The following IGFN1 variants were observed in gnomAD, a reference collection of about 807,000 sequenced individuals.
The protein encoded by IGFN1 is immunoglobulin-like and fibronectin type III domain-containing protein 1.
Under a neutral mutation model 289.5 loss-of-function variants are expected in IGFN1, and 253 were observed. That is an observed-to-expected ratio of 0.87 (90% CI 0.79 to 0.97). The LOEUF (loss-of-function observed/expected upper bound fraction) is 0.97. IGFN1 is among the 50% of genes least tolerant of loss of function. The probability of loss-of-function intolerance (pLI) is 0.00; values close to 1 mark genes in which losing one functional copy is unlikely to be tolerated. For missense variants in IGFN1, 4,470 were observed against 4,686.1 expected (o/e 0.95, Z 1.35); for synonymous variants, 1,706 against 1,788.5 (o/e 0.95, Z 1.16).
Position 201,201,766 on chromosome 1 carries a change from T to A in IGFN1, c.681T>A (p.Asp227Glu), listed in dbSNP as rs1667171898. ...SSLRHIRVTK[D>E]GNAKFDLELD... is the part of the protein sequence containing the mutation. ...TAAGACACATCAGGGTCACCAAGGA[T>A]GGGAATGCAAAGTTTGACTTGGAGC... Residue 227 changes from aspartate to glutamate, a missense_variant, in exon 9 of 24, where the codon GAT becomes GAA. Asp to Glu is a conservative substitution (Grantham distance 45). This residue lies in a region of IGFN1 where 2,011 missense variants were observed against 1,953.4 expected (regional missense o/e 1.03). Transcript: ENST00000335211. 18 of 1,549,544 alleles carry A rather than the reference T, an allele frequency of 1.2e-5. No individual in the cohort carries two copies. Among genetic ancestry groups the A allele is most frequent in the Non-Finnish European group, 1.6e-5 (18 of 1,145,310 alleles).
At chr1:201,217,078 C>T (rs973072287) in intron 16 of IGFN1, among the ~76,000 whole-genome samples, 28 of 152,080 alleles carry the variant, frequency 1.8e-4, no homozygotes, top group African/African-American at 6.5e-4. Context: ...TTCTAGGCTC[C>T]GAGGCTGCAG....
Position 201,212,813 on chromosome 1 carries a change from T to G in IGFN1, c.7920T>G (p.Asp2640Glu). The G allele has an allele frequency of 6.4e-7, 1 of 1,551,408 alleles. No homozygotes were observed. Among genetic ancestry groups the G allele is most frequent in the South Asian group, 1.2e-5 (1 of 84,056 alleles). Reference sequence around the variant, plus strand: ...AGGGGTTTAGCCAAGGCAGCATAGATGCTGGGAAGCAGCCCGCAGGCTCCA... The same window carrying G: ...AGGGGTTTAGCCAAGGCAGCATAGAGGCTGGGAAGCAGCCCGCAGGCTCCA... ...ENQGFSQGSI[D>E]AGKQPAGSRA... The change falls in exon 12 of 24, where the codon GAT (aspartate) becomes GAG (glutamate). Residue 2640 changes from aspartate to glutamate, a missense_variant. Transcript: ENST00000335211.
chr1:201,205,354 G>A lies in IGFN1; in HGVS notation c.1189G>A (p.Ala397Thr). The A allele has an allele frequency of 1.3e-6, 2 of 1,529,508 alleles. No individual in the cohort carries two copies. The highest frequency in any genetic ancestry group is 1.8e-6 in the Non-Finnish European group (2 of 1,132,930). The allele number at this position is 1,529,508 out of a possible 1,614,324, so 94.7% of individuals were successfully genotyped here. ...TTCCAGCGCCTGGCTGGTGGTTGAA[G>A]GTGAGTGCTTCAAAACTCTGTCTTT... ...YTSSAWLVVEAGKDKDLQSTS... is the reference protein window; with the variant it reads ...YTSSAWLVVETGKDKDLQSTS... Residue 397 changes from alanine to threonine, a missense_variant and splice_region_variant, in exon 11 of 24, where the codon GCT becomes ACT. Physicochemically the swap from Ala to Thr is moderately conservative, Grantham distance 58. This residue lies in a region of IGFN1 where 2,011 missense variants were observed against 1,953.4 expected (regional missense o/e 1.03). Coordinates refer to ENST00000335211, the MANE Select transcript of IGFN1 (RefSeq NM_001164586.2).
At position 201,212,988 on chromosome 1, in the gene IGFN1, C is replaced by T. The variant is rs918943804; in HGVS notation, c.8095C>T (p.Pro2699Ser). 79 of 1,551,408 alleles carry T rather than the reference C, an allele frequency of 5.1e-5. No individual in the cohort carries two copies. The highest frequency in any genetic ancestry group is 3.3e-4 in the Middle Eastern group (2 of 6,016). Residue 2699 changes from proline to serine, a missense_variant, in exon 12 of 24, where the codon CCT becomes TCT. Coordinates refer to ENST00000335211, the MANE Select transcript of IGFN1 (RefSeq NM_001164586.2). ...PWSLDSKGSS[P>S]GRGSSVDAED... ...GTCCCTGGATAGCAAAGGTTCAAGTCCTGGAAGGGGCAGTTCTGTTGATGC... is the reference window on the plus strand; with the variant it reads ...GTCCCTGGATAGCAAAGGTTCAAGTTCTGGAAGGGGCAGTTCTGTTGATGC...
intron 8 of IGFN1, among the ~76,000 whole-genome samples, chr1:201,201,152 T>A (rs1301176077): frequency 6.6e-6 from 1 of 152,182 alleles, no homozygotes; most frequent in African/African-American, 2.4e-5. Context: ...TTCTAAAGGC[T>A]TTCATGGAAG....
rs1008675472 is a variant in IGFN1 at position 201,205,183 on chromosome 1, G to A, written c.1018G>A (p.Ala340Thr). ...CCTCTCCAGCCCCTGCCCTAGTGCA[G>A]CCTGGCATTTCCGGCACCGGCTACT... Reference protein sequence around the residue: ...CTLSSPCPSAAWHFRHRLLHP... With the variant: ...CTLSSPCPSATWHFRHRLLHP... The change falls in exon 11 of 24, where the codon GCC becomes ACC. Residue 340 changes from alanine to threonine, a missense_variant. Transcript: ENST00000335211. The A allele has an allele frequency of 1.9e-6, 3 of 1,551,324 alleles. No homozygotes were observed. The Admixed American group carries it at 5.9e-5, about 30-fold the overall frequency.
intron 10 of IGFN1, 137 bp from the exon 11 acceptor site, chr1:201,204,945 T>G: frequency 1.3e-6 from 1 of 771,714 alleles, no homozygotes; most frequent in Non-Finnish European, 2.0e-6. Context: ...GGTCCAGAGG[T>G]GACCTGTCCA....
chr1:201,201,477 C>T (rs2102325721), intron 8 of IGFN1, among the ~76,000 whole-genome samples: 1 of 152,220 alleles, frequency 6.6e-6, no homozygotes, highest in African/African-American at 2.4e-5. Flanking sequence ...ATGGAAAAGC[C>T]CCACTGTGTT....
At chr1:201,227,413 A>C (rs1415598511) in intron 23 of IGFN1, among the ~76,000 whole-genome samples, 1 of 144,622 alleles carries the variant, frequency 6.9e-6, no homozygotes, top group Non-Finnish European at 1.5e-5. Context: ...CTTTTTAAAA[A>C]ATTTATTTTT....
chr1:201,193,222 A>G, intron 1 of IGFN1, 25 bp from the exon 2 acceptor site: 3 of 1,195,420 alleles, frequency 2.5e-6, no homozygotes, highest in Non-Finnish European at 3.7e-6. Context: ...GGATTTCTCA[A>G]AAGCAATTCC....
Position 201,208,423 on chromosome 1 carries a change from G to A in IGFN1, c.3530G>A (p.Gly1177Glu). 6.9e-7 allele frequency: 1 copy of A among 1,447,154 alleles called. No homozygotes were observed. The highest frequency in any genetic ancestry group is 1.5e-5 in the South Asian group (1 of 67,278). The allele number at this position is 1,447,154 out of a possible 1,614,324, so 89.6% of individuals were successfully genotyped here. Residue 1177 changes from glycine (G) to glutamate (E), a missense_variant, in exon 12 of 24, where the codon GGA (glycine) becomes GAA (glutamate). Coordinates refer to ENST00000335211, the MANE Select transcript of IGFN1 (RefSeq NM_001164586.2). ...GTRCPGAKAS[G>E]AGAGYRDDTR... ...AGATGCCCTGGTGCTAAGGCCTCTG[G>A]AGCTGGAGCTGGTTATAGGGATGAT...
chr1:201,192,135 C>T lies in IGFN1; in HGVS notation c.-47-1112C>T, dbSNP rs913680548. Among the ~76,000 whole-genome samples the T allele has an allele frequency of 2.0e-5, 3 of 152,218 alleles. No individual in the cohort carries two copies. In the East Asian group the frequency reaches 5.8e-4, roughly 29 times the overall value. The stretch of plus-strand genomic sequence containing the variant: ...CGTGACCACTCCAGAACGCAGTTGG[C>T]GTACCATGGCATTCCAGCACGCTAG... On this transcript the variant is annotated intron_variant, in intron 1 of 23. Transcript: ENST00000335211.
rs1304713701 is a variant in IGFN1, at chr1:201,211,412, G to A, written c.6519G>A (p.Met2173Ile). ...GGAGTTCTGGGGAAATGGGGTCAAT[G>A]GATGAGGCAGGTTATAGGAAGGATT... is the stretch of plus-strand genomic sequence containing the variant. ...GLGSSGEMGS[M>I]DEAGYRKDLG... is the part of the protein sequence containing the mutation. The change falls in exon 12 of 24, where the codon ATG becomes ATA. Residue 2173 changes from methionine (M) to isoleucine (I), a missense_variant. By Grantham distance (10) the Met-to-Ile change is conservative. Coordinates refer to ENST00000335211, the MANE Select transcript of IGFN1 (RefSeq NM_001164586.2). The A allele has an allele frequency of 4.7e-6, 7 of 1,500,760 alleles. No individual in the cohort carries two copies. Among genetic ancestry groups the A allele is most frequent in the Non-Finnish European group, 8.9e-7 (1 of 1,125,392 alleles). 93.0% of individuals were successfully genotyped at this position (1,500,760 alleles called of 1,614,324 possible).
Position 201,228,381 on chromosome 1 carries a change from T to A in IGFN1, c.11114-5T>A, listed in dbSNP as rs756587351. 1.2e-6 allele frequency: 2 copies of A among 1,614,038 alleles called. No individual in the cohort carries two copies. Among genetic ancestry groups the A allele is most frequent in the Non-Finnish European group, 1.7e-6 (2 of 1,179,966 alleles). On this transcript the variant is annotated splice_region_variant and splice_polypyrimidine_tract_variant and intron_variant, in intron 23 of 23. Transcript: ENST00000335211. Reference sequence around the variant, plus strand: ...GAACCAACTGGAATATCCTGTGTCTTGCAGAACCCAGCACCTAGCCTCACC... The same window carrying A: ...GAACCAACTGGAATATCCTGTGTCTAGCAGAACCCAGCACCTAGCCTCACC...
intron 13 of IGFN1, among the ~76,000 whole-genome samples, chr1:201,214,736 C>A (rs1157490115): frequency 1.3e-5 from 2 of 152,206 alleles, no homozygotes; most frequent in East Asian, 3.8e-4. Flanking sequence ...GGCTTCAGAT[C>A]CCAGCTCTGC....
At position 201,225,825 on chromosome 1, in the gene IGFN1, A is replaced by G. The variant is rs775745534; in HGVS notation, c.10488A>G (p.Ala3496=). ...CTCCCTCTGCCGTCTCTCCTGAAGC[A>G]TGCCCGCAGGCCCCTGGGCCCATCC... The part of the protein sequence containing the change: ...VAHSFRIRVA[A]CPQAPGPIHL... Residue 3496 remains alanine, a splice_region_variant and synonymous_variant, in exon 22 of 24, where the codon GCA becomes GCG. Coordinates refer to ENST00000335211, the MANE Select transcript of IGFN1 (RefSeq NM_001164586.2). 1.7e-5 allele frequency: 27 copies of G among 1,609,906 alleles called. No individual in the cohort carries two copies. Among genetic ancestry groups the G allele is most frequent in the Non-Finnish European group, 2.2e-5 (26 of 1,178,834 alleles).
intron 20 of IGFN1, among the ~76,000 whole-genome samples, chr1:201,224,197 G>A (rs946611151): frequency 3.3e-5 from 5 of 152,162 alleles, no homozygotes; most frequent in Admixed American, 6.5e-5. Context: ...CCAGGACACC[G>A]CAATCTTCCT....
In IGFN1 at chr1:201,203,750, A is replaced by T; in HGVS notation, c.760A>T (p.Ile254Phe). 1 of 1,551,684 alleles carries T rather than the reference A, an allele frequency of 6.4e-7. No homozygotes were observed. The highest frequency in any genetic ancestry group is 8.7e-7 in the Non-Finnish European group (1 of 1,147,016). The change falls in exon 10 of 24, where the codon ATC becomes TTC. Residue 254 changes from isoleucine (I) to phenylalanine (F), a missense_variant. Physicochemically the swap from Ile to Phe is conservative, Grantham distance 21. This residue lies in a region of IGFN1 where 2,011 missense variants were observed against 1,953.4 expected (regional missense o/e 1.03). Transcript: ENST00000335211. The part of the protein sequence containing the change: ...KIYLYKDGEM[I>F]PYGFNNQTKH... ...TTTCTGGCCTTAGGATGGTGAGATGATCCCCTATGGCTTCAACAACCAAAC... is the reference window on the plus strand; with the variant it reads ...TTTCTGGCCTTAGGATGGTGAGATGTTCCCCTATGGCTTCAACAACCAAAC...
chr1:201,216,317 C>G, intron 15 of IGFN1, 137 bp from the exon 16 acceptor site: 1 of 679,762 alleles, frequency 1.5e-6, no homozygotes, highest in Non-Finnish European at 2.4e-6. Flanking sequence ...GACAGTCTGC[C>G]CCATTGCAGG....
Sources: gnomAD v4.1 joint callset for allele counts (sites outside exome capture counted in the v4.1 genomes callset) on GRCh38, gnomAD v4.1.1 for gene constraint, gnomAD v4.1.1 regional missense constraint, MANE v1.5 for transcripts, NCBI Gene and HGNC (gene_info 2026-07-23, HGNC 2026-07-21) for gene names.